Variants in VPS8 observed in about 807,000 individuals in gnomAD.
VPS8 encodes vacuolar protein sorting-associated protein 8 homolog.
VPS8 carries 129 observed loss-of-function variants against 216.4 expected under a neutral mutation model. That is an observed-to-expected ratio of 0.60 (90% CI 0.52 to 0.69). The LOEUF (loss-of-function observed/expected upper bound fraction) is 0.69. Ranked by LOEUF, VPS8 falls within the 30% of genes least tolerant of loss-of-function variation. The pLI, the probability that VPS8 is intolerant of heterozygous loss-of-function variation, is 0.00. For missense variants in VPS8, 1,531 were observed against 1,683.5 expected (o/e 0.91, Z 1.59); for synonymous variants, 571 against 565.4 (o/e 1.01, Z -0.14).
At chr3:185,041,670 A>T (rs1711651265) in intron 46 of VPS8, among the ~76,000 whole-genome samples, 1 of 152,234 alleles carries the variant, frequency 6.6e-6, no homozygotes, top group African/African-American at 2.4e-5. Flanking sequence ...GCATTAAAAG[A>T]ACTCAGTAGG....
chr3:184,886,561 A>ACG (rs397714865), intron 22 of VPS8, among the ~76,000 whole-genome samples: 1 of 150,868 alleles, frequency 6.6e-6, no homozygotes, highest in South Asian at 2.1e-4. Context: ...ACACACACAC[A>ACG]TTCTTCTTTT....
chr3:184,914,239 G>C (rs1737096648), intron 26 of VPS8, among the ~76,000 whole-genome samples: 1 of 152,184 alleles, frequency 6.6e-6, no homozygotes, highest in Non-Finnish European at 1.5e-5. Context: ...TAGTGTGAAA[G>C]AAATACGCAT....
intron 16 of VPS8, among the ~76,000 whole-genome samples, chr3:184,866,350 A>G (rs1311155859): frequency 6.6e-6 from 1 of 152,242 alleles, no homozygotes; most frequent in African/African-American, 2.4e-5. Flanking sequence ...AGGCAAATGT[A>G]ATTTATAGAG....
intron 46 of VPS8, among the ~76,000 whole-genome samples, chr3:185,042,462 T>C (rs1405756914): frequency 6.6e-5 from 10 of 152,218 alleles, no homozygotes; most frequent in Non-Finnish European, 1.5e-5. Context: ...GACTCCAGGT[T>C]TGCACAGGAG....
rs540149293 is a variant in VPS8, at chr3:184,833,374, G to A, written c.353+555G>A. On this transcript the variant is annotated intron_variant, in intron 4 of 47. Coordinates refer to ENST00000625842, the MANE Select transcript of VPS8 (RefSeq NM_001009921.3). ...ACTATAAATACATTATTGAATTCAC[G>A]TGTAACTTTAATATTGATAAAGTGA... is the stretch of plus-strand genomic sequence containing the variant. Among the ~76,000 whole-genome samples, 11 of 152,252 alleles carry A rather than the reference G, an allele frequency of 7.2e-5. 1 individual carries two copies. The East Asian group carries it at 7.7e-4, about 11-fold the overall frequency.
At chr3:184,979,766 G>C (rs1293786646) in intron 40 of VPS8, among the ~76,000 whole-genome samples, 1 of 152,108 alleles carries the variant, frequency 6.6e-6, no homozygotes, top group African/African-American at 2.4e-5. Flanking sequence ...TTACCACTCT[G>C]TGCCTTTTAA....
intron 45 of VPS8, among the ~76,000 whole-genome samples, chr3:185,010,138 C>G (rs1300787541): frequency 6.6e-6 from 1 of 152,116 alleles, no homozygotes. Flanking sequence ...TAAGTAAGTT[C>G]TTAGCCTCAG....
chr3:184,853,925 G>A lies in VPS8; in HGVS notation c.890G>A (p.Cys297Tyr), dbSNP rs765985526. 3.5e-5 allele frequency: 56 copies of A among 1,611,682 alleles called. No homozygotes were observed. Among genetic ancestry groups the A allele is most frequent in the Non-Finnish European group, 4.7e-5 (55 of 1,178,908 alleles). ...AGTGGTTCCAAGGGTGAAGTCTGCT[G>A]TATTGAGCCTCTGCATTCTAAGCCT... ...LFSGSKGEVC[C>Y]IEPLHSKPEL... Residue 297 changes from cysteine to tyrosine, a missense_variant, in exon 12 of 48, where the codon TGT (cysteine) becomes TAT (tyrosine). Physicochemically the swap from Cys to Tyr is radical, Grantham distance 194. Coordinates refer to ENST00000625842, the MANE Select transcript of VPS8 (RefSeq NM_001009921.3).
intron 13 of VPS8, 62 bp from the exon 14 acceptor site, chr3:184,855,648 GT>G (rs1725099162): frequency 1.5e-6 from 2 of 1,326,920 alleles, no homozygotes; most frequent in Non-Finnish European, 2.1e-6. Context: ...TTTAACCATA[GT>G]TTTCTCTTTG....
chr3:184,868,869 AT>A, intron 18 of VPS8, 76 bp from the exon 19 acceptor site: 1 of 1,332,466 alleles, frequency 7.5e-7, no homozygotes. Context: ...TTCTGGAAGG[AT>A]TTTAGGTGGA....
chr3:184,837,356 T>C (rs1721291902), intron 5 of VPS8, among the ~76,000 whole-genome samples: 1 of 152,262 alleles, frequency 6.6e-6, no homozygotes, highest in South Asian at 2.1e-4. Context: ...TTGGTTTAAG[T>C]TGTTTTGCTT....
chr3:184,873,873 A>G (rs1352765848), intron 21 of VPS8, among the ~76,000 whole-genome samples: 1 of 152,198 alleles, frequency 6.6e-6, no homozygotes, highest in Non-Finnish European at 1.5e-5. Flanking sequence ...TCAATTTTCA[A>G]ATAAGGCATT....
chr3:184,898,711 C>G, intron 24 of VPS8, 57 bp downstream of exon 24: 3 of 1,322,368 alleles, frequency 2.3e-6, no homozygotes, highest in South Asian at 1.4e-5. Flanking sequence ...CTTTTTTCTC[C>G]TATTCTCCAT....
At chr3:184,971,565 A>G in intron 39 of VPS8, 84 bp from the exon 40 acceptor site, 1 of 983,696 alleles carries the variant, frequency 1.0e-6, no homozygotes, top group Non-Finnish European at 1.5e-6. Context: ...TGATGCAAAG[A>G]AAAAGAAGTT....
chr3:184,965,053 G>A (rs1747161994), intron 38 of VPS8, among the ~76,000 whole-genome samples: 1 of 152,144 alleles, frequency 6.6e-6, no homozygotes, highest in Non-Finnish European at 1.5e-5. Context: ...ATCGCTACCA[G>A]CAACACTCAG....
intron 45 of VPS8, among the ~76,000 whole-genome samples, chr3:185,009,261 T>G (rs990111752): frequency 6.6e-6 from 1 of 152,180 alleles, no homozygotes; most frequent in African/African-American, 2.4e-5. Context: ...ACATAAGAAA[T>G]TCTGTTGTCC....
At chr3:185,036,031 A>C (rs4686489) in intron 46 of VPS8, among the ~76,000 whole-genome samples, 61,576 of 152,018 alleles carry the variant, frequency 0.41, 13,909 homozygotes, top group Middle Eastern at 0.54. Flanking sequence ...AAAACAAAAC[A>C]AAATGAAATA....
intron 42 of VPS8, among the ~76,000 whole-genome samples, chr3:184,993,632 C>A (rs1752219770): frequency 6.6e-6 from 1 of 151,986 alleles, no homozygotes. Context: ...TCTGGGTATT[C>A]CTGAGTACAC....
At chr3:184,900,217 T>C (rs1734227249) in intron 24 of VPS8, among the ~76,000 whole-genome samples, 1 of 152,198 alleles carries the variant, frequency 6.6e-6, no homozygotes. Context: ...AGGCTTTGAA[T>C]TCACTGACAA....
Sources: gnomAD v4.1 joint callset for allele counts (sites outside exome capture counted in the v4.1 genomes callset) on GRCh38, gnomAD v4.1.1 for gene constraint, MANE v1.5 for transcripts, NCBI Gene and HGNC (gene_info 2026-07-23, HGNC 2026-07-21) for gene names.